Variants in TAFA1 observed in about 807,000 individuals in gnomAD.
The protein encoded by TAFA1 is chemokine-like protein TAFA-1.
A neutral mutation model predicts 18.5 loss-of-function variants in TAFA1; 4 were observed. That is an observed-to-expected ratio of 0.22 (90% confidence interval 0.11 to 0.49). TAFA1 has a LOEUF of 0.49. Ranked by LOEUF, TAFA1 falls within the 20% of genes least tolerant of loss-of-function variation. The probability of loss-of-function intolerance (pLI) is 0.98; values close to 1 mark genes in which losing one functional copy is unlikely to be tolerated. For missense variants in TAFA1, 147 were observed against 169.0 expected, an observed-to-expected ratio of 0.87 and a Z score of 0.72; for synonymous variants, 56 against 55.2, an observed-to-expected ratio of 1.01 and a Z score of -0.06.
chr3:68,176,191 C>T (rs1395626263), intron 2 of TAFA1, among the ~76,000 whole-genome samples: 4 of 152,116 alleles, frequency 2.6e-5, no homozygotes, highest in Non-Finnish European at 5.9e-5. Flanking sequence ...AATATAAATA[C>T]AGTTTACAGG....
At chr3:68,034,833 C>G (rs1195622535) in intron 2 of TAFA1, among the ~76,000 whole-genome samples, 2 of 152,126 alleles carry the variant, frequency 1.3e-5, no homozygotes, top group African/African-American at 4.8e-5. Context: ...AAATGTGATA[C>G]TATTTTAGAA....
chr3:68,355,028 T>A (rs148530263), intron 2 of TAFA1, among the ~76,000 whole-genome samples: 2,185 of 152,064 alleles, frequency 0.014, 67 homozygotes, highest in Non-Finnish European at 0.014. Context: ...GTCGTTCAGA[T>A]CCCTGTGGAA....
chr3:68,052,294 T>C (rs1342353906), intron 2 of TAFA1, among the ~76,000 whole-genome samples: 1 of 152,164 alleles, frequency 6.6e-6, no homozygotes, highest in Non-Finnish European at 1.5e-5. Flanking sequence ...TATTAAACAA[T>C]GGCCCTAAAC....
intron 3 of TAFA1, among the ~76,000 whole-genome samples, chr3:68,471,128 T>C (rs1323209268): frequency 6.6e-6 from 1 of 152,126 alleles, no homozygotes; most frequent in East Asian, 1.9e-4. Context: ...TGGTATTGAG[T>C]CTGCAGGTGC....
intron 2 of TAFA1, among the ~76,000 whole-genome samples, chr3:68,319,552 G>A (rs1260315971): frequency 4.6e-5 from 7 of 152,194 alleles, no homozygotes; most frequent in African/African-American, 1.7e-4. Context: ...AACCCTGCCC[G>A]AATGGCTTAT....
intron 3 of TAFA1, among the ~76,000 whole-genome samples, chr3:68,424,990 C>A (rs1190806700): frequency 6.6e-6 from 1 of 151,886 alleles, no homozygotes; most frequent in Admixed American, 6.6e-5. Flanking sequence ...TAGTGTGATG[C>A]CCGAAGATAG....
chr3:68,355,656 G>A (rs768915951), intron 2 of TAFA1, among the ~76,000 whole-genome samples: 1 of 151,922 alleles, frequency 6.6e-6, no homozygotes, highest in Non-Finnish European at 1.5e-5. Context: ...AGAGCACTAG[G>A]GGATACAATT....
intron 2 of TAFA1, among the ~76,000 whole-genome samples, chr3:68,131,985 C>T (rs1269911709): frequency 2.6e-5 from 4 of 152,116 alleles, no homozygotes; most frequent in South Asian, 2.1e-4. Flanking sequence ...ACTCATCAAC[C>T]CGTCATCTAC....
rs66730394 is a variant in TAFA1, at chr3:68,338,210, TA to T, written c.119-79069del. The stretch of plus-strand genomic sequence containing the variant: ...GTAATGGAACTCATCCATCACATTT[TA>T]CAGAGCCTTTTTGATACGGTCAGTG... On this transcript the variant is annotated intron_variant, in intron 2 of 4. Transcript: ENST00000478136. Among the ~76,000 whole-genome samples, 990 of 152,320 alleles carry T rather than the reference TA, an allele frequency of 6.5e-3. 15 individuals are homozygous for T. Among genetic ancestry groups the T allele is most frequent in the African/African-American group, 0.023 (950 of 41,572 alleles).
At chr3:68,033,527 A>C (rs371118562) in intron 2 of TAFA1, among the ~76,000 whole-genome samples, 103 of 152,314 alleles carry the variant, frequency 6.8e-4, no homozygotes, top group African/African-American at 2.4e-3. Flanking sequence ...TTAAACAAGA[A>C]CATTCTCCAT....
At chr3:68,141,755 G>C (rs1218548537) in intron 2 of TAFA1, among the ~76,000 whole-genome samples, 1 of 152,204 alleles carries the variant, frequency 6.6e-6, no homozygotes, top group Non-Finnish European at 1.5e-5. Context: ...CATTGAAAGA[G>C]ATAGAGTCCT....
At chr3:68,188,309 G>A (rs1195221937) in intron 2 of TAFA1, among the ~76,000 whole-genome samples, 2 of 151,724 alleles carry the variant, frequency 1.3e-5, no homozygotes, top group Non-Finnish European at 2.9e-5. Flanking sequence ...CACTTGCTAA[G>A]TTTGCTATTT....
At chr3:68,160,253 A>G (rs2065909818) in intron 2 of TAFA1, among the ~76,000 whole-genome samples, 1 of 152,202 alleles carries the variant, frequency 6.6e-6, no homozygotes, top group South Asian at 2.1e-4. Flanking sequence ...CCAATAGTAA[A>G]TATTTAAGGT....
chr3:68,321,005 G>A (rs1373928905), intron 2 of TAFA1, among the ~76,000 whole-genome samples: 1 of 152,128 alleles, frequency 6.6e-6, no homozygotes, highest in African/African-American at 2.4e-5. Context: ...TATACATTGG[G>A]GGCCACACAG....
chr3:68,331,988 C>T (rs529461186), intron 2 of TAFA1, among the ~76,000 whole-genome samples: 10 of 150,830 alleles, frequency 6.6e-5, no homozygotes, highest in East Asian at 2.0e-4. Flanking sequence ...CTCAGCCTCC[C>T]GAGTAGCTGG....
At chr3:68,088,840 G>A (rs777403449) in intron 2 of TAFA1, among the ~76,000 whole-genome samples, 7 of 152,286 alleles carry the variant, frequency 4.6e-5, no homozygotes, top group Non-Finnish European at 7.4e-5. Flanking sequence ...CTGTTGACAA[G>A]GTGAGAGATT....
intron 2 of TAFA1, among the ~76,000 whole-genome samples, chr3:68,227,787 A>G (rs932386476): frequency 6.6e-6 from 1 of 152,206 alleles, no homozygotes; most frequent in Non-Finnish European, 1.5e-5. Context: ...GTGTGAATTT[A>G]TCACTCAATA....
intron 2 of TAFA1, among the ~76,000 whole-genome samples, chr3:68,190,138 G>A (rs942352257): frequency 2.0e-5 from 3 of 151,070 alleles, no homozygotes; most frequent in East Asian, 1.9e-4. Context: ...AGATACTAAC[G>A]AATTCTAACA....
intron 2 of TAFA1, among the ~76,000 whole-genome samples, chr3:68,011,559 T>C (rs954045715): frequency 4.6e-5 from 7 of 152,224 alleles, no homozygotes; most frequent in Non-Finnish European, 1.0e-4. Context: ...TATTACTTTA[T>C]TGAAAGCTGC....
Sources: gnomAD v4.1 joint callset for allele counts (sites outside exome capture counted in the v4.1 genomes callset) on GRCh38, gnomAD v4.1.1 for gene constraint, MANE v1.5 for transcripts, NCBI Gene and HGNC (gene_info 2026-07-23, HGNC 2026-07-21) for gene names.